VAV2: variants seen among roughly 807,000 people sequenced by gnomAD.
VAV2 encodes the protein guanine nucleotide exchange factor VAV2.
VAV2 carries 67 observed loss-of-function variants against 132.5 expected under a neutral mutation model. That is an observed-to-expected ratio of 0.51 (90% CI 0.42 to 0.62). The LOEUF is 0.62. Among genes scored for constraint, VAV2 ranks in the 20% least tolerant of loss-of-function variants. The pLI is 0.00. For synonymous variants in VAV2, 492 were observed against 443.5 expected, an observed-to-expected ratio of 1.11 and a Z score of -1.37; for missense variants, 938 against 1,153.6, an observed-to-expected ratio of 0.81 and a Z score of 2.71.
chr9:133,839,979 A>AC (rs1189289547), intron 3 of VAV2, among the ~76,000 whole-genome samples: 1 of 150,572 alleles, frequency 6.6e-6, no homozygotes, highest in Non-Finnish European at 1.5e-5. Context: ...GCCTAGCTCC[A>AC]CCCCCCACTC....
chr9:133,935,164 G>A lies in VAV2; in HGVS notation c.321+3939C>T, dbSNP rs1840860432. 6.6e-6 allele frequency among the ~76,000 whole-genome samples: 1 copy of A among 152,198 alleles called. No individual in the cohort carries two copies. Among genetic ancestry groups the A allele is most frequent in the African/African-American group, 2.4e-5 (1 of 41,426 alleles). ...GGAGGGCACGCAGCCATATCTTCAT[G>A]GTCTGAGGTTGCTGGAGGCCGCCGA... On this transcript the variant is annotated intron_variant, in intron 2 of 29. Transcript: ENST00000371850. The surrounding 1 kb of genome is among the most constrained non-coding windows in gnomAD (Gnocchi z 5.2).
rs1163510886 is a variant in VAV2 at position 133,827,230 on chromosome 9, C to A, written c.449+7042G>T. Among the ~76,000 whole-genome samples the A allele has an allele frequency of 3.1e-5, 3 of 96,112 alleles. 1 individual carries two copies. Among genetic ancestry groups the A allele is most frequent in the African/African-American group, 1.1e-4 (3 of 26,746 alleles). 63.1% of individuals were successfully genotyped at this position (96,112 alleles called of 152,430 possible). A position where few individuals can be genotyped will look rare whatever the true frequency, so the allele number is the denominator to read the frequency against. ...GGGCATCGCCAGCTACTGCTGTGCC[C>A]ACTGGGGCTGACCACTGAGCGGGGG... is the stretch of plus-strand genomic sequence containing the variant. On this transcript the variant is annotated intron_variant, in intron 4 of 29. Coordinates refer to ENST00000371850, the MANE Select transcript of VAV2 (RefSeq NM_001134398.2).
Position 133,919,705 on chromosome 9 carries a change from CAG to C in VAV2, c.321+19396_321+19397del, listed in dbSNP as rs1840224806. Among the ~76,000 whole-genome samples, 1 of 152,308 alleles carries C rather than the reference CAG, an allele frequency of 6.6e-6. No individual in the cohort carries two copies. Among genetic ancestry groups the C allele is most frequent in the African/African-American group, 2.4e-5 (1 of 41,558 alleles). On this transcript the variant is annotated intron_variant, in intron 2 of 29. Transcript: ENST00000371850. This position sits in a 1 kb window ranked among gnomAD's most constrained non-coding sequence, Gnocchi z 5.8. Reference sequence around the variant, plus strand: ...AGAGGAATGTAAGCCGGAAACAGCGCAGAGAGTGGGGCCAGATGGACGTGGCC... The same window carrying C: ...AGAGGAATGTAAGCCGGAAACAGCGCAGAGTGGGGCCAGATGGACGTGGCC...
intron 1 of VAV2, among the ~76,000 whole-genome samples, chr9:133,954,397 C>A (rs1389329898): frequency 2.0e-5 from 3 of 152,248 alleles, no homozygotes; most frequent in Non-Finnish European, 4.4e-5. Flanking sequence ...AGACGCCCAA[C>A]AGGAGAGATG....
intron 1 of VAV2, among the ~76,000 whole-genome samples, chr9:133,986,980 C>T (rs1226862176): frequency 6.6e-6 from 1 of 151,490 alleles, no homozygotes; most frequent in Non-Finnish European, 1.5e-5. Flanking sequence ...GCGTGGCACA[C>T]AGCAGGGTTT....
At chr9:133,900,326 A>T (rs938386248) in intron 2 of VAV2, among the ~76,000 whole-genome samples, 1 of 152,170 alleles carries the variant, frequency 6.6e-6, no homozygotes, top group Admixed American at 6.5e-5. Flanking sequence ...CTCCAACATG[A>T]AGGCCCTCCT....
intron 4 of VAV2, among the ~76,000 whole-genome samples, chr9:133,831,380 G>A (rs531483096): frequency 6.6e-6 from 1 of 152,084 alleles, no homozygotes; most frequent in South Asian, 2.1e-4. Flanking sequence ...AGGTTGCAGT[G>A]AGCTGAGATC....
At chr9:133,877,087 G>A (rs1000605856) in intron 2 of VAV2, among the ~76,000 whole-genome samples, 1 of 152,142 alleles carries the variant, frequency 6.6e-6, no homozygotes, top group Non-Finnish European at 1.5e-5. Flanking sequence ...TGAGAGGCAC[G>A]TGGTTATCTG....
rs1224732619 is a variant in VAV2 at position 133,787,239 on chromosome 9, T to G, written c.1422+7A>C. The G allele has an allele frequency of 6.3e-7, 1 of 1,582,484 alleles. No individual in the cohort carries two copies. Among genetic ancestry groups the G allele is most frequent in the South Asian group, 1.2e-5 (1 of 86,600 alleles). On this transcript the variant is annotated splice_region_variant and intron_variant, in intron 16 of 29. Coordinates refer to ENST00000371850, the MANE Select transcript of VAV2 (RefSeq NM_001134398.2). ...CAGGTGGGAGGACCTGGGCGCTAGG[T>G]GCTTACCATTTTCCCGTGAGACTAG...
Position 133,969,954 on chromosome 9 carries a change from C to T in VAV2, c.204+22121G>A, listed in dbSNP as rs902881392. Among the ~76,000 whole-genome samples, 3 of 152,092 alleles carry T rather than the reference C, an allele frequency of 2.0e-5. No individual in the cohort carries two copies. Among genetic ancestry groups the T allele is most frequent in the African/African-American group, 7.2e-5 (3 of 41,402 alleles). On this transcript the variant is annotated intron_variant, in intron 1 of 29. Transcript: ENST00000371850. The surrounding 1 kb of genome is among the most constrained non-coding windows in gnomAD (Gnocchi z 5.1). Reference sequence around the variant, plus strand: ...TTCCCTGGCACACCCAGGATGAAGCCGGCCCTGCCTCCCTGCAGCCTTCAA... The same window carrying T: ...TTCCCTGGCACACCCAGGATGAAGCTGGCCCTGCCTCCCTGCAGCCTTCAA...
At chr9:133,952,868 C>A (rs998368814) in intron 1 of VAV2, among the ~76,000 whole-genome samples, 2,606 of 82,244 alleles carry the variant, frequency 0.032, 57 homozygotes, top group East Asian at 0.056. Context: ...GCATGGCCCC[C>A]GGGACACCTA....
rs1332904469 is a variant in VAV2, at chr9:133,796,523, T to TC, written c.937dup (p.Glu313GlyfsTer12). Reference sequence around the variant, plus strand: ...TCCATCCTGGACCTTCAGTGTGCACTCCTGGGAGGGCGACAGGGCGATGGG... The same window carrying TC: ...TCCATCCTGGACCTTCAGTGTGCACTCCCTGGGAGGGCGACAGGGCGATGGG... On this transcript the variant is annotated frameshift_variant and splice_region_variant, in exon 11 of 30. Coordinates refer to ENST00000371850, the MANE Select transcript of VAV2 (RefSeq NM_001134398.2). LOFTEE classifies it high-confidence loss of function. The TC allele has an allele frequency of 6.2e-7, 1 of 1,612,968 alleles. No homozygotes were observed. Among genetic ancestry groups the TC allele is most frequent in the Non-Finnish European group, 8.5e-7 (1 of 1,179,710 alleles).
At chr9:133,874,576 G>A (rs148041367) in intron 2 of VAV2, among the ~76,000 whole-genome samples, 3 of 152,272 alleles carry the variant, frequency 2.0e-5, no homozygotes, top group Non-Finnish European at 2.9e-5. Context: ...CAAGGTACCC[G>A]CCCAGACCTT....
chr9:133,966,747 T>C (rs921536510), intron 1 of VAV2, among the ~76,000 whole-genome samples: 1 of 150,992 alleles, frequency 6.6e-6, no homozygotes, highest in Admixed American at 6.6e-5. Context: ...GTCAACTTAA[T>C]AGCAGGGCCG....
chr9:133,939,269 A>G (rs766387169), intron 1 of VAV2, 50 bp from the exon 2 acceptor site: 1 of 1,532,378 alleles, frequency 6.5e-7, no homozygotes, highest in East Asian at 2.2e-5. Flanking sequence ...TTAAAACTGT[A>G]AGCTCTGTAA....
At chr9:133,837,808 C>T (rs1836531650) in intron 3 of VAV2, among the ~76,000 whole-genome samples, 1 of 152,102 alleles carries the variant, frequency 6.6e-6, no homozygotes, top group African/African-American at 2.4e-5. Flanking sequence ...TTGTTCAACC[C>T]CTACTGTCAT....
chr9:133,783,189 T>C (rs1275516597), intron 19 of VAV2, among the ~76,000 whole-genome samples: 3 of 152,130 alleles, frequency 2.0e-5, no homozygotes, highest in Non-Finnish European at 4.4e-5. Context: ...GAATGTTCTG[T>C]GCCGTGTTTG....
chr9:133,991,711 C>T lies in VAV2; in HGVS notation c.204+364G>A, dbSNP rs1165607676. Among the ~76,000 whole-genome samples the T allele has an allele frequency of 1.3e-5, 2 of 151,450 alleles. No individual in the cohort carries two copies. Among genetic ancestry groups the T allele is most frequent in the South Asian group, 2.1e-4 (1 of 4,838 alleles). On this transcript the variant is annotated intron_variant, in intron 1 of 29. Coordinates refer to ENST00000371850, the MANE Select transcript of VAV2 (RefSeq NM_001134398.2). This position sits in a 1 kb window ranked among gnomAD's most constrained non-coding sequence, Gnocchi z 4.8. ...GCCCAAGGATGCGACCCACGACGCG[C>T]ACACCCGGCTCGGCAGGCTCCCTGG... is the stretch of plus-strand genomic sequence containing the variant.
intron 1 of VAV2, among the ~76,000 whole-genome samples, chr9:133,982,451 A>G (rs992048315): frequency 2.8e-4 from 35 of 124,222 alleles, no homozygotes; most frequent in African/African-American, 1.0e-3. Context: ...GGCATGGCAG[A>G]CTCTGGCTGG....
Sources: allele counts gnomAD v4.1 joint callset (sites outside exome capture counted in the v4.1 genomes callset), GRCh38; gene constraint gnomAD v4.1.1; non-coding constraint Gnocchi (gnomAD v3.1); transcripts MANE v1.5; gene names NCBI Gene and HGNC (gene_info 2026-07-23, HGNC 2026-07-21).